Variants in ZNF521 observed in about 807,000 individuals in gnomAD.
The protein encoded by ZNF521 is zinc finger protein 521.
Under a neutral mutation model 105.5 loss-of-function variants are expected in ZNF521, and 14 were observed. The observed-to-expected ratio is 0.13, with a 90% confidence interval of 0.09 to 0.21. The LOEUF (loss-of-function observed/expected upper bound fraction) is 0.21. Ranked by LOEUF, ZNF521 falls within the 10% of genes least tolerant of loss-of-function variation. The pLI is 1.00. For synonymous variants in ZNF521, 635 were observed against 606.0 expected (o/e 1.05, Z -0.70); for missense variants, 1,233 against 1,629.7 (o/e 0.76, Z 4.19).
Position 25,227,192 on chromosome 18 carries a change from C to T in ZNF521, c.726G>A (p.Met242Ile). The change falls in exon 4 of 8, where the codon ATG (methionine) becomes ATA (isoleucine). Residue 242 changes from methionine to isoleucine, a missense_variant. Around this residue, in one of 6 missense-constraint regions of ZNF521, gnomAD observed 380 missense variants for 478.0 expected, o/e 0.80. Coordinates refer to ENST00000361524, the MANE Select transcript of ZNF521 (RefSeq NM_015461.3). This position sits in a 1 kb window ranked among gnomAD's most constrained non-coding sequence, Gnocchi z 5.7. ...ACTGACTGCACTTCTGAGTGTCCTT[C>T]ATCTTCCAGTCCTCCATCCTGGAAC... ...QSGSRMEDWK[M>I]KDTQKCSQCE... is the part of the protein sequence containing the mutation. The T allele has an allele frequency of 1.2e-6, 2 of 1,614,180 alleles. No individual in the cohort carries two copies. Among genetic ancestry groups the T allele is most frequent in the Non-Finnish European group, 1.7e-6 (2 of 1,180,018 alleles).
intron 4 of ZNF521, among the ~76,000 whole-genome samples, chr18:25,211,391 T>C (rs1464361873): frequency 1.3e-5 from 2 of 152,198 alleles, no homozygotes; most frequent in Admixed American, 1.3e-4. Context: ...AGTTAACTGT[T>C]AAACACCTGT....
intron 3 of ZNF521, among the ~76,000 whole-genome samples, chr18:25,244,853 T>C (rs568356225): frequency 1.4e-4 from 22 of 152,352 alleles, no homozygotes; most frequent in Middle Eastern, 3.4e-3. Flanking sequence ...ACAAACTGCA[T>C]AGCTGCATTC....
rs567982327 is a variant in ZNF521 at position 25,210,406 on chromosome 18, C to T, written c.3573+13939G>A. 2.0e-5 allele frequency among the ~76,000 whole-genome samples: 3 copies of T among 152,180 alleles called. No individual in the cohort carries two copies. In the South Asian group the frequency reaches 6.2e-4, roughly 32 times the overall value. On this transcript the variant is annotated intron_variant, in intron 4 of 7. Transcript: ENST00000361524. ...TCCCCATGCCCACAGCAGCAATCTCCCTATAACAAAAAATTTACAGACTCA... is the reference window on the plus strand; with the variant it reads ...TCCCCATGCCCACAGCAGCAATCTCTCTATAACAAAAAATTTACAGACTCA...
chr18:25,345,760 T>A (rs1006646560), intron 2 of ZNF521, among the ~76,000 whole-genome samples: 2 of 152,186 alleles, frequency 1.3e-5, no homozygotes, highest in African/African-American at 4.8e-5. Flanking sequence ...CTTCAACATC[T>A]AGTCAGTATA....
chr18:25,209,514 G>A lies in ZNF521; in HGVS notation c.3574-14270C>T, dbSNP rs115565075. 9.6e-3 allele frequency among the ~76,000 whole-genome samples: 1,469 copies of A among 152,262 alleles called. 23 individuals carry two copies. The highest frequency in any genetic ancestry group is 0.033 in the African/African-American group (1,359 of 41,526). The stretch of plus-strand genomic sequence containing the variant: ...GTTTTCCCCCCAGTATGTAAATACT[G>A]TGTATGTGATTCATACAGGGCATCG... On this transcript the variant is annotated intron_variant, in intron 4 of 7. Transcript: ENST00000361524.
chr18:25,281,271 G>A (rs530942843), intron 3 of ZNF521, among the ~76,000 whole-genome samples: 2 of 152,314 alleles, frequency 1.3e-5, no homozygotes, highest in African/African-American at 4.8e-5. Context: ...AATTATGCTT[G>A]ATGTAAACCT....
chr18:25,078,864 A>G (rs1312071788), intron 7 of ZNF521, among the ~76,000 whole-genome samples: 2 of 152,206 alleles, frequency 1.3e-5, no homozygotes, highest in South Asian at 2.1e-4. Context: ...TCCCAGCAGA[A>G]AGTGGGAGTG....
chr18:25,145,462 C>A (rs2034925591), intron 5 of ZNF521, among the ~76,000 whole-genome samples: 1 of 152,160 alleles, frequency 6.6e-6, no homozygotes. Context: ...ACCACCACCA[C>A]CACAACCATC....
At chr18:25,336,450 CT>C in intron 2 of ZNF521, among the ~76,000 whole-genome samples, 1 of 152,296 alleles carries the variant, frequency 6.6e-6, no homozygotes, top group East Asian at 1.9e-4. Context: ...TAAATTAGCA[CT>C]GGCCCTTTTG....
At chr18:25,324,678 C>T (rs1913114972) in intron 2 of ZNF521, among the ~76,000 whole-genome samples, 1 of 152,166 alleles carries the variant, frequency 6.6e-6, no homozygotes, top group African/African-American at 2.4e-5. Context: ...AAATGCTACA[C>T]ATCCAGTTTG....
intron 3 of ZNF521, among the ~76,000 whole-genome samples, chr18:25,242,894 C>T (rs143596956): frequency 3.5e-4 from 53 of 152,286 alleles, no homozygotes; most frequent in African/African-American, 1.0e-3. Context: ...ACTTCAAATA[C>T]GCAATGCCAT....
chr18:25,162,472 C>T (rs942875897), intron 5 of ZNF521, among the ~76,000 whole-genome samples: 1 of 152,178 alleles, frequency 6.6e-6, no homozygotes, highest in African/African-American at 2.4e-5. Context: ...CTGCAACACA[C>T]AAAATTATCA....
Position 25,224,561 on chromosome 18 carries a change from G to A in ZNF521, c.3357C>T (p.Gly1119=), listed in dbSNP as rs1330550544. 1 of 1,613,922 alleles carries A rather than the reference G, an allele frequency of 6.2e-7. No individual in the cohort carries two copies. Among genetic ancestry groups the A allele is most frequent in the Non-Finnish European group, 8.5e-7 (1 of 1,179,968 alleles). Residue 1119 remains glycine (G), a synonymous_variant, in exon 4 of 8, where the codon GGC becomes GGT. Coordinates refer to ENST00000361524, the MANE Select transcript of ZNF521 (RefSeq NM_015461.3). ...CAATGGCACTCAGATTCTCATTCTG[G>A]CCCAAGCCTGGTCTATTCGTGCCGG... ...VPPGTNRPGL[G]QNENLSAIEG...
At chr18:25,104,301 T>C (rs931914009) in intron 5 of ZNF521, among the ~76,000 whole-genome samples, 2 of 152,182 alleles carry the variant, frequency 1.3e-5, no homozygotes, top group Admixed American at 1.3e-4. Context: ...TCTACTGACA[T>C]AATCTCACTA....
At chr18:25,220,763 A>C in intron 4 of ZNF521, among the ~76,000 whole-genome samples, 1 of 152,212 alleles carries the variant, frequency 6.6e-6, no homozygotes, top group East Asian at 1.9e-4. Context: ...CTTGACTAAG[A>C]AGCACACTAG....
At chr18:25,270,734 T>C (rs1352281524) in intron 3 of ZNF521, among the ~76,000 whole-genome samples, 1 of 152,206 alleles carries the variant, frequency 6.6e-6, no homozygotes, top group African/African-American at 2.4e-5. Flanking sequence ...CAGCCCTTCA[T>C]GTTAAAAACT....
rs1906056571 is a variant in ZNF521, at chr18:25,225,462, T to C, written c.2456A>G (p.His819Arg). 1 of 1,614,076 alleles carries C rather than the reference T, an allele frequency of 6.2e-7. No homozygotes were observed. The highest frequency in any genetic ancestry group is 1.3e-5 in the African/African-American group (1 of 74,928). Residue 819 changes from histidine (H) to arginine (R), a missense_variant, in exon 4 of 8, where the codon CAT becomes CGT. By Grantham distance (29) the His-to-Arg change is conservative. Coordinates refer to ENST00000361524, the MANE Select transcript of ZNF521 (RefSeq NM_015461.3). This position sits in a 1 kb window ranked among gnomAD's most constrained non-coding sequence, Gnocchi z 5.6. ...YNCKFCSKAF[H>R]AIILLEKHLR... ...GTGTTTTTCTAACAAAATGATCGCA[T>C]GGAAGGCTTTGCTACAGAACTTGCA... is the stretch of plus-strand genomic sequence containing the variant.
chr18:25,162,519 C>T (rs1328326163), intron 5 of ZNF521, among the ~76,000 whole-genome samples: 1 of 152,198 alleles, frequency 6.6e-6, no homozygotes, highest in Admixed American at 6.5e-5. Context: ...ATTAATCAAT[C>T]ATCCAACAAA....
chr18:25,332,347 CAAAA>C (rs33971407), intron 2 of ZNF521, among the ~76,000 whole-genome samples: 2 of 127,838 alleles, frequency 1.6e-5, no homozygotes, highest in Non-Finnish European at 1.7e-5. Flanking sequence ...AAGATCACAG[CAAAA>C]AAAAAAAAAA....
Sources: gnomAD v4.1 joint callset for allele counts (sites outside exome capture counted in the v4.1 genomes callset) on GRCh38, gnomAD v4.1.1 for gene constraint, gnomAD v4.1.1 regional missense constraint, Gnocchi (gnomAD v3.1) non-coding constraint, MANE v1.5 for transcripts, NCBI Gene and HGNC (gene_info 2026-07-23, HGNC 2026-07-21) for gene names.